DNAH5: variants seen among roughly 807,000 people sequenced by gnomAD.
DNAH5 encodes axonemal beta dynein heavy chain 5.
DNAH5 carries 372 observed loss-of-function variants against 518.2 expected under a neutral mutation model. The observed-to-expected ratio is 0.72, with a 90% CI of 0.66 to 0.78. The LOEUF is 0.78. DNAH5 is among the 30% of genes least tolerant of loss of function. The probability of loss-of-function intolerance (pLI) is 0.00; values close to 1 mark genes in which losing one functional copy is unlikely to be tolerated. For missense variants in DNAH5, 5,523 were observed against 5,687.0 expected (o/e 0.97, Z 0.93); for synonymous variants, 2,039 against 2,025.9 (o/e 1.01, Z -0.17).
At chr5:13,835,325 T>C (rs1218955212) in intron 35 of DNAH5, among the ~76,000 whole-genome samples, 3 of 151,708 alleles carry the variant, frequency 2.0e-5, no homozygotes, top group South Asian at 2.1e-4. Flanking sequence ...TGTAGGCAGA[T>C]AGAGAGGGTA....
intron 15 of DNAH5, among the ~76,000 whole-genome samples, chr5:13,896,284 G>T (rs745429827): frequency 1.3e-5 from 2 of 151,786 alleles, no homozygotes; most frequent in African/African-American, 4.8e-5. Flanking sequence ...AGATCTACCC[G>T]ATTTTGTCCC....
intron 1 of DNAH5, among the ~76,000 whole-genome samples, chr5:13,939,090 C>T (rs1356334090): frequency 1.3e-5 from 2 of 152,168 alleles, no homozygotes; most frequent in Non-Finnish European, 2.9e-5. Context: ...AAGAGAATCT[C>T]ATCATTCCTA....
Position 13,844,928 on chromosome 5 carries a change from T to C in DNAH5, c.5180A>G (p.Glu1727Gly). Residue 1727 changes from glutamate (E) to glycine (G), a missense_variant, in exon 32 of 79, where the codon GAG becomes GGG. By Grantham distance (98) the Glu-to-Gly change is moderately conservative. This residue lies in a region of DNAH5 where 5,121 missense variants were observed against 5,223.3 expected (regional missense o/e 0.98). Coordinates refer to ENST00000265104, the MANE Select transcript of DNAH5 (RefSeq NM_001369.3). ...FFFVSDPALLEILGQASDSHT... is the reference protein window; with the variant it reads ...FFFVSDPALLGILGQASDSHT... ...GGAGTCCGACGCCTGCCCCAGAATCTCTAGAAGGGCAGGATCTGAGACGAA... is the reference window on the plus strand; with the variant it reads ...GGAGTCCGACGCCTGCCCCAGAATCCCTAGAAGGGCAGGATCTGAGACGAA... The C allele has an allele frequency of 1.2e-6, 2 of 1,614,102 alleles. No individual in the cohort carries two copies. The highest frequency in any genetic ancestry group is 2.2e-5 in the South Asian group (2 of 91,070).
intron 5 of DNAH5, among the ~76,000 whole-genome samples, chr5:13,921,632 C>T (rs1365566571): frequency 1.3e-5 from 2 of 151,716 alleles, no homozygotes; most frequent in African/African-American, 4.8e-5. Context: ...TCTTAAAGGC[C>T]CTTTTGATCA....
At chr5:13,783,330 A>G (rs1233906896) in intron 52 of DNAH5, among the ~76,000 whole-genome samples, 1 of 152,186 alleles carries the variant, frequency 6.6e-6, no homozygotes, top group Admixed American at 6.5e-5. Flanking sequence ...TAAATTCCAG[A>G]CAATGTATCC....
At chr5:13,803,806 C>T (rs1759135451) in intron 47 of DNAH5, among the ~76,000 whole-genome samples, 1 of 152,126 alleles carries the variant, frequency 6.6e-6, no homozygotes, top group Non-Finnish European at 1.5e-5. Context: ...AAAGCAAATC[C>T]ATGGTTACTT....
At chr5:13,825,346 AAAAT>A (rs143083505) in intron 38 of DNAH5, among the ~76,000 whole-genome samples, 21 of 150,610 alleles carry the variant, frequency 1.4e-4, no homozygotes, top group Non-Finnish European at 1.9e-4. Context: ...TGTCTTGCAA[AAAAT>A]AAATAAATAA....
At chr5:13,936,401 C>T (rs1240353545) in intron 1 of DNAH5, among the ~76,000 whole-genome samples, 3 of 152,118 alleles carry the variant, frequency 2.0e-5, no homozygotes, top group Admixed American at 6.6e-5. Flanking sequence ...GTAATCTATC[C>T]ATCTGATGTT....
chr5:13,990,874 A>G (rs958019560), intron 1 of DNAH5, among the ~76,000 whole-genome samples: 3 of 152,280 alleles, frequency 2.0e-5, no homozygotes, highest in Non-Finnish European at 4.4e-5. Context: ...TCACAAAAAA[A>G]GAAGGAAAAG....
At chr5:13,951,392 T>C (rs1397633775) in intron 1 of DNAH5, among the ~76,000 whole-genome samples, 2 of 151,460 alleles carry the variant, frequency 1.3e-5, no homozygotes, top group African/African-American at 2.4e-5. Context: ...AATTTCTTAC[T>C]TATTTTTTGT....
intron 1 of DNAH5, among the ~76,000 whole-genome samples, chr5:13,977,168 G>C (rs1002081372): frequency 2.0e-5 from 3 of 152,086 alleles, no homozygotes; most frequent in Non-Finnish European, 4.4e-5. Flanking sequence ...TGCAACTCTA[G>C]GAATCACTGG....
chr5:13,926,818 G>C (rs1044690636), intron 3 of DNAH5, among the ~76,000 whole-genome samples: 9 of 152,302 alleles, frequency 5.9e-5, no homozygotes, highest in Non-Finnish European at 7.3e-5. Flanking sequence ...TCCGTTCATG[G>C]ATAAACTTGA....
intron 47 of DNAH5, among the ~76,000 whole-genome samples, chr5:13,795,305 A>C (rs1338379273): frequency 6.6e-6 from 1 of 152,120 alleles, no homozygotes; most frequent in African/African-American, 2.4e-5. Flanking sequence ...ACGGCTAGCA[A>C]GATTAATAAA....
At chr5:13,713,468 C>CATAT (rs1743888599) in intron 75 of DNAH5, among the ~76,000 whole-genome samples, 2 of 81,448 alleles carry the variant, frequency 2.5e-5, no homozygotes, top group Non-Finnish European at 4.4e-5. Context: ...TATATATATA[C>CATAT]ACACACCGAT....
At chr5:13,841,184 A>G in intron 33 of DNAH5, 54 bp from the exon 34 acceptor site, 1 of 1,360,792 alleles carries the variant, frequency 7.3e-7, no homozygotes, top group African/African-American at 1.4e-5. Context: ...TATGTATTTA[A>G]ATAGAAATAC....
chr5:13,788,846 A>T lies in DNAH5; in HGVS notation c.8517T>A (p.Asp2839Glu), dbSNP rs1318152994. 3.1e-6 allele frequency: 5 copies of T among 1,614,020 alleles called. No homozygotes were observed. In the Admixed American group the frequency reaches 8.3e-5, roughly 27 times the overall value. ...CTAAAGCCTTATCAAACCAGGTCAC[A>T]TCACTGGACACTGTGAAACGGTCAG... ...VIADRFTVSSDVTWFDKALVS... is the reference protein window; with the variant it reads ...VIADRFTVSSEVTWFDKALVS... The change falls in exon 51 of 79, where the codon GAT (aspartate) becomes GAA (glutamate). Residue 2839 changes from aspartate to glutamate, a missense_variant. Asp to Glu is a conservative substitution (Grantham distance 45). Coordinates refer to ENST00000265104, the MANE Select transcript of DNAH5 (RefSeq NM_001369.3).
Position 13,791,933 on chromosome 5 carries a change from A to G in DNAH5, c.8448+61T>C, listed in dbSNP as rs865885190. On this transcript the variant is annotated intron_variant, in intron 50 of 78. Transcript: ENST00000265104. Reference sequence around the variant, plus strand: ...TCAAGTAAAAAATAAATCAATAAAAATATTTAGAATATATCATTAATAGCA... The same window carrying G: ...TCAAGTAAAAAATAAATCAATAAAAGTATTTAGAATATATCATTAATAGCA... 8.0e-6 allele frequency: 11 copies of G among 1,370,254 alleles called. No homozygotes were observed. The Middle Eastern group carries it at 1.7e-3, about 214-fold the overall frequency. 84.9% of individuals were successfully genotyped at this position (1,370,254 alleles called of 1,614,324 possible).
At chr5:13,809,335 G>T in intron 45 of DNAH5, 149 bp from the exon 46 acceptor site, 1 of 976,830 alleles carries the variant, frequency 1.0e-6, no homozygotes, top group Non-Finnish European at 1.6e-6. Context: ...AAGTACACAA[G>T]TATGTGTTAG....
At chr5:13,900,691 A>G (rs781332280) in intron 14 of DNAH5, 3 of 465,040 alleles carry the variant, frequency 6.5e-6, no homozygotes, top group Non-Finnish European at 7.8e-6. Flanking sequence ...GGCGTCTCAA[A>G]AGCCATTTAG....
Sources: gnomAD v4.1 joint callset for allele counts (sites outside exome capture counted in the v4.1 genomes callset) on GRCh38, gnomAD v4.1.1 for gene constraint, gnomAD v4.1.1 regional missense constraint, MANE v1.5 for transcripts, NCBI Gene and HGNC (gene_info 2026-07-23, HGNC 2026-07-21) for gene names.